NTRK3: variants seen among roughly 807,000 people sequenced by gnomAD.
NTRK3 encodes neurotrophic receptor tyrosine kinase 3, also known as NT-3 growth factor receptor.
In NTRK3, 24 loss-of-function variants were observed where a neutral mutation model predicts 91.7. The ratio of observed to expected loss-of-function variants is 0.26; its 90% confidence interval spans 0.19 to 0.37. NTRK3 has a LOEUF of 0.37. Ranked by LOEUF, NTRK3 falls within the 10% of genes least tolerant of loss-of-function variation. The pLI is 1.00. For missense variants in NTRK3, 880 were observed against 1,068.9 expected, an observed-to-expected ratio of 0.82 and a Z score of 2.46; for synonymous variants, 483 against 404.0, an observed-to-expected ratio of 1.20 and a Z score of -2.34.
At position 88,127,315 on chromosome 15, in the gene NTRK3, T is replaced by G. The variant is rs1403334835; in HGVS notation, c.1229-89A>C. 3 of 1,063,296 alleles carry G rather than the reference T, an allele frequency of 2.8e-6. No homozygotes were observed. In the South Asian group the frequency reaches 3.9e-5, roughly 14 times the overall value. 65.9% of individuals were successfully genotyped at this position (1,063,296 alleles called of 1,614,324 possible). On this transcript the variant is annotated intron_variant, in intron 11 of 18. Coordinates refer to ENST00000394480, the Ensembl canonical transcript of NTRK3. ...GTCCCTGCCCAACTCCCAAGCTCCC[T>G]TGAGACTTCCCCCTGCAGAACATCC... is the stretch of plus-strand genomic sequence containing the variant.
chr15:88,168,644 C>T (rs1321337860), intron 5 of NTRK3, among the ~76,000 whole-genome samples: 2 of 152,216 alleles, frequency 1.3e-5, no homozygotes, highest in Non-Finnish European at 2.9e-5. Context: ...CCACTGCCTC[C>T]TGCAGGGAGT....
intron 15 of NTRK3, among the ~76,000 whole-genome samples, chr15:87,936,826 C>T (rs546753281): frequency 8.5e-5 from 13 of 152,310 alleles, no homozygotes; most frequent in Non-Finnish European, 7.3e-5. Flanking sequence ...TTATTACATA[C>T]AGGGGTGCCC....
intron 13 of NTRK3, among the ~76,000 whole-genome samples, chr15:88,069,846 A>G (rs1368110427): frequency 2.6e-5 from 4 of 152,200 alleles, no homozygotes; most frequent in Non-Finnish European, 5.9e-5. Context: ...TGAAAAGGCC[A>G]GGGATCTCAG....
At chr15:87,907,654 G>A (rs2066852502) in intron 17 of NTRK3, among the ~76,000 whole-genome samples, 1 of 152,146 alleles carries the variant, frequency 6.6e-6, no homozygotes, top group African/African-American at 2.4e-5. Flanking sequence ...AGCAGAACTT[G>A]TGTCTTCTTA....
intron 15 of NTRK3, among the ~76,000 whole-genome samples, chr15:87,935,628 G>T (rs751188689): frequency 1.1e-4 from 17 of 152,114 alleles, no homozygotes; most frequent in Non-Finnish European, 1.9e-4. Flanking sequence ...AGAATACAAA[G>T]ATTTATGTGA....
rs1174478312 is a variant in NTRK3, at chr15:87,995,124, T to G, written c.1585+37733A>C. Among the ~76,000 whole-genome samples, 4 of 152,188 alleles carry G rather than the reference T, an allele frequency of 2.6e-5. No homozygotes were observed. The East Asian group carries it at 7.7e-4, about 29-fold the overall frequency. On this transcript the variant is annotated intron_variant, in intron 14 of 18. Transcript: ENST00000394480. Reference sequence around the variant, plus strand: ...CATAGGTTTAGGAGAACAAAAGTCCTGGAAATTCATAGGAATTACACACCT... The same window carrying G: ...CATAGGTTTAGGAGAACAAAAGTCCGGGAAATTCATAGGAATTACACACCT...
At chr15:87,955,743 G>C (rs978579339) in intron 14 of NTRK3, among the ~76,000 whole-genome samples, 5 of 152,204 alleles carry the variant, frequency 3.3e-5, no homozygotes, top group African/African-American at 1.2e-4. Flanking sequence ...GGGCAGAAAA[G>C]AGGCCAGTTC....
intron 13 of NTRK3, among the ~76,000 whole-genome samples, chr15:88,082,667 A>T (rs1425079873): frequency 6.6e-6 from 1 of 152,198 alleles, no homozygotes; most frequent in African/African-American, 2.4e-5. Context: ...GACACTTATT[A>T]ATTTTGCTGC....
chr15:88,227,843 T>C (rs1423739768), intron 3 of NTRK3, among the ~76,000 whole-genome samples: 1 of 151,820 alleles, frequency 6.6e-6, no homozygotes, highest in Non-Finnish European at 1.5e-5. Flanking sequence ...CTCGCAGCAG[T>C]ACCAAGCATT....
chr15:88,175,738 A>T (rs775121460), intron 5 of NTRK3, among the ~76,000 whole-genome samples: 35 of 152,212 alleles, frequency 2.3e-4, no homozygotes, highest in Non-Finnish European at 4.4e-4. Flanking sequence ...AATTCATTTA[A>T]TCTTGCTAAC....
intron 13 of NTRK3, among the ~76,000 whole-genome samples, chr15:88,101,602 G>C (rs1230366934): frequency 4.6e-5 from 7 of 152,310 alleles, no homozygotes; most frequent in Non-Finnish European, 7.3e-5. Context: ...CAATAGCAAA[G>C]ACTTGCAACC....
intron 14 of NTRK3, among the ~76,000 whole-genome samples, chr15:87,996,290 G>A (rs1638571134): frequency 6.6e-6 from 1 of 152,088 alleles, no homozygotes; most frequent in African/African-American, 2.4e-5. Flanking sequence ...CTTAGCTTAA[G>A]AGTTGTACAG....
intron 3 of NTRK3, among the ~76,000 whole-genome samples, chr15:88,229,343 C>G (rs940873280): frequency 6.6e-6 from 1 of 152,150 alleles, no homozygotes. Flanking sequence ...GAACTAGGAT[C>G]AAATCTGCCT....
chr15:88,108,016 G>A (rs565851508), intron 13 of NTRK3, among the ~76,000 whole-genome samples: 1 of 152,260 alleles, frequency 6.6e-6, no homozygotes, highest in South Asian at 2.1e-4. Context: ...CAACAGTCAG[G>A]ACATCAGGAG....
At chr15:88,048,850 G>C (rs956130455) in intron 13 of NTRK3, among the ~76,000 whole-genome samples, 6 of 152,176 alleles carry the variant, frequency 3.9e-5, no homozygotes, top group African/African-American at 1.4e-4. Context: ...CAAGGGTCCT[G>C]AGTTCTAATC....
chr15:88,237,548 T>C lies in NTRK3; in HGVS notation c.248+18358A>G, dbSNP rs958800863. Among the ~76,000 whole-genome samples the C allele has an allele frequency of 6.6e-6, 1 of 152,224 alleles. No homozygotes were observed. The highest frequency in any genetic ancestry group is 1.5e-5 in the Non-Finnish European group (1 of 68,034). On this transcript the variant is annotated intron_variant, in intron 3 of 18. Transcript: ENST00000394480. This position sits in a 1 kb window ranked among gnomAD's most constrained non-coding sequence, Gnocchi z 4.0. ...AGAGAGCTAGAAATCATGCACTTTATATATGAGTTGTTTTGCTTATTTACA... is the reference window on the plus strand; with the variant it reads ...AGAGAGCTAGAAATCATGCACTTTACATATGAGTTGTTTTGCTTATTTACA...
intron 13 of NTRK3, among the ~76,000 whole-genome samples, chr15:88,090,054 A>G (rs1313034618): frequency 1.3e-5 from 2 of 152,098 alleles, no homozygotes; most frequent in African/African-American, 4.8e-5. Context: ...TCCCTCTGCC[A>G]GGAACTCTCT....
chr15:88,240,358 G>A lies in NTRK3; in HGVS notation c.248+15548C>T, dbSNP rs1332504330. ...TAAACTGTGGCAGTGATGGGACACA[G>A]GCCAGCCCCATCCTGCCCTGACGCA... On this transcript the variant is annotated intron_variant, in intron 3 of 18. Transcript: ENST00000394480. This position sits in a 1 kb window ranked among gnomAD's most constrained non-coding sequence, Gnocchi z 4.9. Among the ~76,000 whole-genome samples the A allele has an allele frequency of 6.6e-6, 1 of 152,182 alleles. No individual in the cohort carries two copies. The highest frequency in any genetic ancestry group is 1.5e-5 in the Non-Finnish European group (1 of 68,048).
chr15:88,241,070 A>C lies in NTRK3; in HGVS notation c.248+14836T>G, dbSNP rs1450574614. Among the ~76,000 whole-genome samples, 1 of 152,180 alleles carries C rather than the reference A, an allele frequency of 6.6e-6. No homozygotes were observed. Among genetic ancestry groups the C allele is most frequent in the Admixed American group, 6.5e-5 (1 of 15,282 alleles). The stretch of plus-strand genomic sequence containing the variant: ...GGGCTCTTGGGGACAGAGCTGAATA[A>C]GCCTCAATGCCAGCCTTCAGGAGCT... On this transcript the variant is annotated intron_variant, in intron 3 of 18. Coordinates refer to ENST00000394480, the Ensembl canonical transcript of NTRK3. The surrounding 1 kb of genome is among the most constrained non-coding windows in gnomAD (Gnocchi z 4.3).
Sources: allele counts gnomAD v4.1 joint callset (sites outside exome capture counted in the v4.1 genomes callset), GRCh38; gene constraint gnomAD v4.1.1; non-coding constraint Gnocchi (gnomAD v3.1); transcripts MANE v1.5; gene names NCBI Gene and HGNC (gene_info 2026-07-23, HGNC 2026-07-21).